The following GNAL variants were observed in gnomAD, a reference collection of about 807,000 sequenced individuals.
GNAL encodes the protein guanine nucleotide-binding protein G(olf) subunit alpha.
Under a neutral mutation model 55.1 loss-of-function variants are expected in GNAL, and 18 were observed. The ratio of observed to expected loss-of-function variants is 0.33; its 90% CI spans 0.23 to 0.48. The LOEUF is 0.48. Among genes scored for constraint, GNAL ranks in the 20% least tolerant of loss-of-function variants. The pLI, the probability that GNAL is intolerant of heterozygous loss-of-function variation, is 0.99. For missense variants in GNAL, 412 were observed against 614.1 expected, an observed-to-expected ratio of 0.67 and a Z score of 3.48; for synonymous variants, 253 against 237.0, an observed-to-expected ratio of 1.07 and a Z score of -0.62.
At chr18:11,864,008 T>C (rs1172546678) in intron 6 of GNAL, among the ~76,000 whole-genome samples, 1 of 152,102 alleles carries the variant, frequency 6.6e-6, no homozygotes, top group Non-Finnish European at 1.5e-5. Flanking sequence ...AGCACAGTTA[T>C]CAGGTCTCTT....
chr18:11,769,798 A>G (rs910177773), intron 4 of GNAL, among the ~76,000 whole-genome samples: 12 of 152,074 alleles, frequency 7.9e-5, no homozygotes. Context: ...CCTTACTACA[A>G]TCTTGCTTAT....
chr18:11,746,996 A>G, intron 1 of GNAL: 4 of 512,950 alleles, frequency 7.8e-6, no homozygotes, highest in Non-Finnish European at 1.6e-5. Flanking sequence ...CACAGATAGC[A>G]TGGTGATCTT....
chr18:11,786,152 A>G (rs942130999), intron 4 of GNAL, among the ~76,000 whole-genome samples: 2 of 152,158 alleles, frequency 1.3e-5, no homozygotes, highest in Non-Finnish European at 2.9e-5. Flanking sequence ...AATTCCGTGC[A>G]CATTAGAATA....
At chr18:11,709,414 A>T (rs1328199362) in intron 1 of GNAL, among the ~76,000 whole-genome samples, 1 of 150,212 alleles carries the variant, frequency 6.7e-6, no homozygotes, top group Non-Finnish European at 1.5e-5. Context: ...CAGACATTTT[A>T]ACAATATAAA....
chr18:11,689,659 C>CGTCCCG lies in GNAL; in HGVS notation c.97_98insTCCCGG (p.Pro32_Ala33insValPro), dbSNP rs2031169964. The CGTCCCG allele has an allele frequency of 1.5e-6, 2 of 1,368,744 alleles. No individual in the cohort carries two copies. The highest frequency in any genetic ancestry group is 3.2e-5 in the African/African-American group (2 of 62,944). The allele number at this position is 1,368,744 out of a possible 1,614,324, so 84.8% of individuals were successfully genotyped here. A position where few individuals can be genotyped will look rare whatever the true frequency, so the allele number is the denominator to read the frequency against. ...AGCCGCCGGTGGAGGACGCGCAGCC[C>CGTCCCG]GCCCCGGCCCCGGCCCTGGCCCCAG... On this transcript the variant is annotated inframe_insertion, in exon 1 of 12. Coordinates refer to ENST00000334049, the MANE Select transcript of GNAL (RefSeq NM_182978.4).
chr18:11,847,398 CTTT>C (rs767585830), intron 5 of GNAL, among the ~76,000 whole-genome samples: 1 of 142,372 alleles, frequency 7.0e-6, no homozygotes, highest in Non-Finnish European at 1.5e-5. Flanking sequence ...CTTTTATTTT[CTTT>C]TTTTTTTTTT....
chr18:11,769,357 T>C (rs547141417), intron 4 of GNAL, among the ~76,000 whole-genome samples: 2 of 152,024 alleles, frequency 1.3e-5, no homozygotes, highest in South Asian at 2.1e-4. Flanking sequence ...TTGCACTTCG[T>C]ACAGTAGGGC....
chr18:11,860,976 T>A (rs1437182421), intron 5 of GNAL, among the ~76,000 whole-genome samples: 2 of 152,082 alleles, frequency 1.3e-5, no homozygotes, highest in Admixed American at 1.3e-4. Context: ...TTCTGAACCG[T>A]TTCGTCTCCC....
intron 1 of GNAL, among the ~76,000 whole-genome samples, chr18:11,740,992 A>T (rs2032563459): frequency 1.3e-5 from 2 of 152,250 alleles, no homozygotes; most frequent in South Asian, 2.1e-4. Context: ...AATTGCATAG[A>T]CAATTCGATA....
chr18:11,693,413 C>G (rs2031313537), intron 1 of GNAL, among the ~76,000 whole-genome samples: 1 of 151,246 alleles, frequency 6.6e-6, no homozygotes, highest in Admixed American at 6.6e-5. Context: ...TATGTATCCT[C>G]CACCCAGTGA....
intron 4 of GNAL, among the ~76,000 whole-genome samples, chr18:11,776,375 C>CA (rs1162084485): frequency 2.0e-5 from 3 of 152,110 alleles, no homozygotes; most frequent in Non-Finnish European, 4.4e-5. Context: ...GTAAGAGCGT[C>CA]ACACTCTGTG....
chr18:11,884,334 G>A lies in GNAL; in HGVS notation c.*3199G>A. Reference sequence around the variant, plus strand: ...CATTTCAGTGATTGAGAATTTCTGTGCTGTGCAGAGAGACGGCCTGTAATT... The same window carrying A: ...CATTTCAGTGATTGAGAATTTCTGTACTGTGCAGAGAGACGGCCTGTAATT... On this transcript the variant is annotated 3_prime_UTR_variant, in exon 12 of 12. Coordinates refer to ENST00000334049, the MANE Select transcript of GNAL (RefSeq NM_182978.4). The A allele has an allele frequency of 3.1e-6, 3 of 979,566 alleles. No individual in the cohort carries two copies. Among genetic ancestry groups the A allele is most frequent in the Non-Finnish European group, 4.7e-6 (3 of 645,104 alleles). 60.7% of individuals were successfully genotyped at this position (979,566 alleles called of 1,614,324 possible). A position where few individuals can be genotyped will look rare whatever the true frequency, so the allele number is the denominator to read the frequency against.
At chr18:11,832,684 C>T (rs2035411474) in intron 5 of GNAL, among the ~76,000 whole-genome samples, 1 of 151,946 alleles carries the variant, frequency 6.6e-6, no homozygotes, top group Admixed American at 6.6e-5. Context: ...GTGGTGAAAC[C>T]CCATCTCTAC....
chr18:11,885,595 T>C lies in GNAL; in HGVS notation c.*4460T>C. ...TGTGGCTTTTGTAAATTTTGACCGATTGCAGCAATTAAATAGTTGATTACT... is the reference window on the plus strand; with the variant it reads ...TGTGGCTTTTGTAAATTTTGACCGACTGCAGCAATTAAATAGTTGATTACT... On this transcript the variant is annotated 3_prime_UTR_variant, in exon 12 of 12. Transcript: ENST00000334049. 1.3e-6 allele frequency: 2 copies of C among 1,501,802 alleles called. No homozygotes were observed. Among genetic ancestry groups the C allele is most frequent in the Non-Finnish European group, 1.8e-6 (2 of 1,100,314 alleles). The allele number at this position is 1,501,802 out of a possible 1,614,324, so 93.0% of individuals were successfully genotyped here.
At chr18:11,799,428 C>T (rs1229839328) in intron 4 of GNAL, among the ~76,000 whole-genome samples, 2 of 152,162 alleles carry the variant, frequency 1.3e-5, no homozygotes, top group Non-Finnish European at 2.9e-5. Context: ...AAATATTTTA[C>T]TAGCTTTCTA....
At chr18:11,862,596 C>T (rs77364074) in intron 6 of GNAL, 147 bp downstream of exon 6, 33 of 648,254 alleles carry the variant, frequency 5.1e-5, no homozygotes, top group Non-Finnish European at 8.9e-5. Flanking sequence ...TGTGTGTGTG[C>T]GTGGATTGGT....
chr18:11,885,023 G>T lies in GNAL; in HGVS notation c.*3888G>T, dbSNP rs1283086628. ...GAAAGGTGTCTTCCTGCCCCTTGAT[G>T]CTCAACTAAGCATCTGTTCCCTAGA... On this transcript the variant is annotated 3_prime_UTR_variant, in exon 12 of 12. Transcript: ENST00000334049. The T allele has an allele frequency of 7.7e-7, 1 of 1,296,300 alleles. No individual in the cohort carries two copies. The highest frequency in any genetic ancestry group is 1.5e-5 in the African/African-American group (1 of 66,152). The allele number at this position is 1,296,300 out of a possible 1,614,324, so 80.3% of individuals were successfully genotyped here. A position where few individuals can be genotyped will look rare whatever the true frequency, so the allele number is the denominator to read the frequency against.
chr18:11,746,923 G>C, intron 1 of GNAL: 1 of 538,922 alleles, frequency 1.9e-6, no homozygotes, highest in Non-Finnish European at 3.8e-6. Context: ...TGGAAACTTA[G>C]GACATTACAA....
At chr18:11,727,590 G>A (rs1007106200) in intron 1 of GNAL, among the ~76,000 whole-genome samples, 5 of 152,184 alleles carry the variant, frequency 3.3e-5, no homozygotes, top group African/African-American at 7.2e-5. Context: ...GCAGAATGTC[G>A]GATGTGGAGG....
Sources: allele counts gnomAD v4.1 joint callset (sites outside exome capture counted in the v4.1 genomes callset), GRCh38; gene constraint gnomAD v4.1.1; transcripts MANE v1.5; gene names NCBI Gene and HGNC (gene_info 2026-07-23, HGNC 2026-07-21).